Variants in TBC1D19 observed in about 807,000 individuals in gnomAD.
The protein encoded by TBC1D19 is TBC1 domain family member 19, also known as TBC1 domain family, member 19.
In TBC1D19, 60 loss-of-function variants were observed where a neutral mutation model predicts 89.0. The ratio of observed to expected loss-of-function variants is 0.67; its 90% CI spans 0.55 to 0.84. The LOEUF is 0.84. Ranked by LOEUF, TBC1D19 falls within the 40% of genes least tolerant of loss-of-function variation. The probability of loss-of-function intolerance (pLI) is 0.00; values close to 1 mark genes in which losing one functional copy is unlikely to be tolerated. For synonymous variants in TBC1D19, 189 were observed against 199.7 expected, an observed-to-expected ratio of 0.95 and a Z score of 0.45; for missense variants, 500 against 610.8, an observed-to-expected ratio of 0.82 and a Z score of 1.91.
At chr4:26,711,814 A>C (rs1716211819) in intron 13 of TBC1D19, among the ~76,000 whole-genome samples, 1 of 152,108 alleles carries the variant, frequency 6.6e-6, no homozygotes, top group Non-Finnish European at 1.5e-5. Flanking sequence ...ATTTCCATAC[A>C]GATACAAAAA....
chr4:26,748,683 A>G (rs1718783103), intron 19 of TBC1D19, among the ~76,000 whole-genome samples, 157 bp downstream of exon 19: 1 of 152,220 alleles, frequency 6.6e-6, no homozygotes, highest in Non-Finnish European at 1.5e-5. Context: ...TACGAACAAA[A>G]ACTGCAGTCT....
intron 7 of TBC1D19, among the ~76,000 whole-genome samples, chr4:26,656,228 A>G (rs1339408806): frequency 6.6e-6 from 1 of 152,142 alleles, no homozygotes; most frequent in Non-Finnish European, 1.5e-5. Flanking sequence ...AAAATTTGAA[A>G]TAAAATAACA....
At chr4:26,621,337 A>G (rs1298403782) in intron 4 of TBC1D19, among the ~76,000 whole-genome samples, 1 of 152,176 alleles carries the variant, frequency 6.6e-6, no homozygotes, top group African/African-American at 2.4e-5. Flanking sequence ...CCTGTCCGTA[A>G]GCCTTCCTCA....
the TBC1D19 span, among the ~76,000 whole-genome samples, chr4:26,768,077 A>C: frequency 1.3e-5 from 2 of 152,166 alleles, no homozygotes; most frequent in African/African-American, 2.4e-5. Context: ...GATCTGCAAA[A>C]GATCCCCTCA....
intron 13 of TBC1D19, among the ~76,000 whole-genome samples, chr4:26,694,943 A>T (rs567811432): frequency 3.2e-4 from 48 of 152,348 alleles, no homozygotes; most frequent in Middle Eastern, 3.4e-3. Context: ...AAGATGGGGA[A>T]AAAACAGAGC....
chr4:26,717,878 T>G, intron 13 of TBC1D19, 55 bp from the exon 14 acceptor site: 2 of 1,409,656 alleles, frequency 1.4e-6, no homozygotes, highest in East Asian at 4.6e-5. Flanking sequence ...AATAATGAAT[T>G]ACCTGGTTTT....
intron 13 of TBC1D19, among the ~76,000 whole-genome samples, chr4:26,696,594 CCA>C (rs1294277550): frequency 6.6e-6 from 1 of 152,164 alleles, no homozygotes; most frequent in African/African-American, 2.4e-5. Flanking sequence ...CCAAAATTGA[CCA>C]CATAGTTGGA....
intron 15 of TBC1D19, among the ~76,000 whole-genome samples, chr4:26,720,880 A>G (rs1038268330): frequency 8.5e-5 from 13 of 152,140 alleles, no homozygotes; most frequent in African/African-American, 3.1e-4. Flanking sequence ...TACATGAGAT[A>G]TGGTATATAA....
At chr4:26,626,675 A>G (rs547192237) in intron 4 of TBC1D19, among the ~76,000 whole-genome samples, 1 of 152,058 alleles carries the variant, frequency 6.6e-6, no homozygotes, top group Non-Finnish European at 1.5e-5. Context: ...GTTCTCTGTC[A>G]ATCCAGTAAC....
intron 17 of TBC1D19, 96 bp from the exon 18 acceptor site, chr4:26,742,412 G>C (rs911793564): frequency 2.1e-5 from 21 of 1,011,792 alleles, no homozygotes; most frequent in Admixed American, 1.3e-4. Flanking sequence ...AATTTATGTT[G>C]ATAGTTTCTC....
At chr4:26,801,489 G>A in the TBC1D19 span, among the ~76,000 whole-genome samples, 8 of 152,032 alleles carry the variant, frequency 5.3e-5, no homozygotes, top group Non-Finnish European at 1.0e-4. Flanking sequence ...TTGGTGATGC[G>A]GGCTCTTTTT....
Position 26,750,534 on chromosome 4 carries a change from C to T in TBC1D19, c.1435+2008C>T, listed in dbSNP as rs9994134. On this transcript the variant is annotated intron_variant, in intron 19 of 20. Transcript: ENST00000264866. Reference sequence around the variant, plus strand: ...ATTCTCTCATTCTGTGCCTTATCATCCCTTAGCAAACTGAAGGAAAAGAGA... The same window carrying T: ...ATTCTCTCATTCTGTGCCTTATCATTCCTTAGCAAACTGAAGGAAAAGAGA... 6.9e-3 allele frequency among the ~76,000 whole-genome samples: 1,054 copies of T among 152,278 alleles called. 10 individuals are homozygous for T. The highest frequency in any genetic ancestry group is 0.024 in the African/African-American group (977 of 41,560).
intron 4 of TBC1D19, among the ~76,000 whole-genome samples, chr4:26,634,356 CAAT>C (rs1742992153): frequency 6.6e-6 from 1 of 151,938 alleles, no homozygotes; most frequent in Non-Finnish European, 1.5e-5. Flanking sequence ...GTGCTCAACA[CAAT>C]AAAAAAATGT....
chr4:26,838,295 A>G, the TBC1D19 span, among the ~76,000 whole-genome samples: 8 of 152,226 alleles, frequency 5.3e-5, no homozygotes, highest in Non-Finnish European at 8.8e-5. Context: ...AGAGAGACAC[A>G]GTCTGTGTGA....
chr4:26,685,795 A>G (rs1713760788), intron 12 of TBC1D19, among the ~76,000 whole-genome samples: 1 of 152,230 alleles, frequency 6.6e-6, no homozygotes, highest in African/African-American at 2.4e-5. Context: ...TCAAAAATGT[A>G]AGAGATCTTT....
Position 26,614,458 on chromosome 4 carries a change from G to C in TBC1D19, c.218+5G>C. On this transcript the variant is annotated splice_donor_5th_base_variant and intron_variant, in intron 3 of 20. Transcript: ENST00000264866. ...TGTTTATAGTGAACTGAGTGTGTGA[G>C]TTTTCCCACCTATTTTACAATAGTA... is the stretch of plus-strand genomic sequence containing the variant. 6.3e-7 allele frequency: 1 copy of C among 1,579,810 alleles called. No individual in the cohort carries two copies. Among genetic ancestry groups the C allele is most frequent in the Non-Finnish European group, 8.6e-7 (1 of 1,163,398 alleles).
At chr4:26,720,921 C>T (rs1716933149) in intron 15 of TBC1D19, among the ~76,000 whole-genome samples, 1 of 152,078 alleles carries the variant, frequency 6.6e-6, no homozygotes, top group African/African-American at 2.4e-5. Context: ...GTAGTGAGTG[C>T]TCAGAAGATG....
At chr4:26,783,653 G>A in the TBC1D19 span, among the ~76,000 whole-genome samples, 24 of 152,254 alleles carry the variant, frequency 1.6e-4, no homozygotes, top group African/African-American at 5.3e-4. Context: ...GAAATAAAGG[G>A]GGTATGCTTT....
the TBC1D19 span, among the ~76,000 whole-genome samples, chr4:26,772,445 G>C: frequency 9.9e-5 from 13 of 131,386 alleles, no homozygotes; most frequent in South Asian, 2.5e-3. Flanking sequence ...TTTTCTGGGT[G>C]GGGGGGAGCC....
Sources: gnomAD v4.1 joint callset for allele counts (sites outside exome capture counted in the v4.1 genomes callset) on GRCh38, gnomAD v4.1.1 for gene constraint, MANE v1.5 for transcripts, NCBI Gene and HGNC (gene_info 2026-07-23, HGNC 2026-07-21) for gene names.